Variants in ANKS1B observed in about 807,000 individuals in gnomAD.
ANKS1B encodes ankyrin repeat and sterile alpha motif domain-containing protein 1B.
In ANKS1B, 36 loss-of-function variants were observed where a neutral mutation model predicts 148.3. The observed-to-expected ratio is 0.24, with a 90% CI of 0.19 to 0.32. The LOEUF (loss-of-function observed/expected upper bound fraction) is 0.32. Ranked by LOEUF, ANKS1B falls within the 10% of genes least tolerant of loss-of-function variation. The pLI is 1.00. For synonymous variants in ANKS1B, 542 were observed against 560.8 expected, an observed-to-expected ratio of 0.97 and a Z score of 0.47; for missense variants, 1,157 against 1,542.6, an observed-to-expected ratio of 0.75 and a Z score of 4.19.
chr12:99,374,850 C>T, intron 12 of ANKS1B, among the ~76,000 whole-genome samples: 1 of 151,926 alleles, frequency 6.6e-6, no homozygotes, highest in East Asian at 1.9e-4. Flanking sequence ...TATTTTTTTA[C>T]CTAAGATCCA....
intron 17 of ANKS1B, among the ~76,000 whole-genome samples, chr12:98,995,762 C>T (rs2099929173): frequency 6.6e-6 from 1 of 152,142 alleles, no homozygotes; most frequent in Non-Finnish European, 1.5e-5. Context: ...ACTTTATAAT[C>T]GAGAGAAAGA....
At chr12:98,902,428 T>C (rs1248035720) in intron 17 of ANKS1B, among the ~76,000 whole-genome samples, 3 of 152,234 alleles carry the variant, frequency 2.0e-5, no homozygotes, top group Non-Finnish European at 1.5e-5. Context: ...TCTGGATGCC[T>C]GTTTTACTAA....
intron 8 of ANKS1B, among the ~76,000 whole-genome samples, chr12:99,749,027 G>A (rs191206104): frequency 8.8e-4 from 134 of 152,106 alleles, no homozygotes; most frequent in African/African-American, 3.0e-3. Context: ...CAAAATATTC[G>A]TTACTCAAAG....
chr12:99,504,417 A>G (rs2096686218), intron 10 of ANKS1B, 59 bp downstream of exon 10: 9 of 1,521,532 alleles, frequency 5.9e-6, no homozygotes, highest in Admixed American at 2.0e-5. Context: ...TTAATGATGC[A>G]TCTTCATATG....
intron 17 of ANKS1B, among the ~76,000 whole-genome samples, chr12:98,848,460 T>C (rs991955150): frequency 6.6e-6 from 1 of 152,112 alleles, no homozygotes; most frequent in African/African-American, 2.4e-5. Flanking sequence ...AGTGTTACTA[T>C]CACACTTACT....
intron 17 of ANKS1B, among the ~76,000 whole-genome samples, chr12:99,001,392 G>T (rs1260937821): frequency 6.6e-6 from 1 of 152,136 alleles, no homozygotes; most frequent in Non-Finnish European, 1.5e-5. Context: ...GCCTCCTAAA[G>T]TGCTGGGAAT....
intron 17 of ANKS1B, among the ~76,000 whole-genome samples, chr12:98,913,449 C>T (rs1228022918): frequency 1.3e-5 from 2 of 152,152 alleles, no homozygotes; most frequent in African/African-American, 4.8e-5. Flanking sequence ...CAAGGTGCAG[C>T]TCGTGGCCTG....
rs562560898 is a variant in ANKS1B, at chr12:99,402,078, T to C, written c.1576-2267A>G. Among the ~76,000 whole-genome samples the C allele has an allele frequency of 2.0e-5, 3 of 146,680 alleles. No homozygotes were observed. In the South Asian group the frequency reaches 6.3e-4, roughly 31 times the overall value. ...AAAATATTTGGCCACTCCTGTTCTA[T>C]GGAATTGTTTCACACCTCAATTTTG... On this transcript the variant is annotated intron_variant, in intron 11 of 26. Transcript: ENST00000683438.
chr12:98,903,771 T>A (rs1425963035), intron 17 of ANKS1B, among the ~76,000 whole-genome samples: 1 of 152,222 alleles, frequency 6.6e-6, no homozygotes, highest in Non-Finnish European at 1.5e-5. Context: ...GTATAATTTA[T>A]CTCAACCTCC....
intron 1 of ANKS1B, among the ~76,000 whole-genome samples, chr12:99,983,591 C>T (rs2095740138): frequency 6.6e-6 from 1 of 152,194 alleles, no homozygotes; most frequent in Non-Finnish European, 1.5e-5. Context: ...AGACATCTCA[C>T]CAGAAAGAAG....
intron 22 of ANKS1B, among the ~76,000 whole-genome samples, chr12:98,787,409 T>A (rs960789421): frequency 1.3e-5 from 2 of 152,164 alleles, no homozygotes; most frequent in African/African-American, 2.4e-5. Context: ...TATAGGGAGC[T>A]CCTTGAGGAC....
chr12:99,954,318 G>A (rs980273089), intron 1 of ANKS1B, among the ~76,000 whole-genome samples: 5 of 152,166 alleles, frequency 3.3e-5, no homozygotes, highest in Admixed American at 6.5e-5. Context: ...TAATAAAAGC[G>A]TTAATTCCAG....
intron 17 of ANKS1B, among the ~76,000 whole-genome samples, chr12:98,948,429 A>C (rs2099848681): frequency 6.6e-6 from 1 of 152,214 alleles, no homozygotes; most frequent in Non-Finnish European, 1.5e-5. Flanking sequence ...TCATTTTAAG[A>C]ATGAAGAAAC....
exon 10 of ANKS1B, chr12:98,735,249 G>A (rs1213295732): frequency 5.0e-6 from 2 of 398,440 alleles, no homozygotes; most frequent in East Asian, 3.6e-5. Flanking sequence ...GTATTTTTTT[G>A]TATTATAAAT....
At chr12:99,899,359 A>G (rs2093502928) in intron 1 of ANKS1B, among the ~76,000 whole-genome samples, 1 of 152,132 alleles carries the variant, frequency 6.6e-6, no homozygotes, top group East Asian at 1.9e-4. Flanking sequence ...CTCTGATCCT[A>G]GTTTAATATT....
chr12:99,174,138 C>G (rs2078106291), intron 14 of ANKS1B, among the ~76,000 whole-genome samples: 3 of 152,160 alleles, frequency 2.0e-5, no homozygotes, highest in African/African-American at 7.2e-5. Flanking sequence ...ATGTTGAGGC[C>G]CGTGCCAAGG....
intron 15 of ANKS1B, among the ~76,000 whole-genome samples, chr12:99,141,246 C>T (rs2070648016): frequency 6.6e-6 from 1 of 152,076 alleles, no homozygotes; most frequent in South Asian, 2.1e-4. Flanking sequence ...TTCCGTACTC[C>T]CATTATCAGA....
chr12:99,876,601 G>C (rs182209730), intron 1 of ANKS1B, among the ~76,000 whole-genome samples: 2 of 151,794 alleles, frequency 1.3e-5, no homozygotes, highest in Non-Finnish European at 2.9e-5. Context: ...GAGTGGTGGC[G>C]TGCCTGTAGT....
chr12:98,837,714 T>C (rs1473415026), intron 17 of ANKS1B, among the ~76,000 whole-genome samples: 4 of 152,192 alleles, frequency 2.6e-5, no homozygotes, highest in Admixed American at 6.5e-5. Flanking sequence ...ATATATGTCA[T>C]AGCAAAGCTG....
Sources: gnomAD v4.1 joint callset for allele counts (sites outside exome capture counted in the v4.1 genomes callset) on GRCh38, gnomAD v4.1.1 for gene constraint, MANE v1.5 for transcripts, NCBI Gene and HGNC (gene_info 2026-07-23, HGNC 2026-07-21) for gene names.